The following COMMD10 variants were observed in gnomAD, a reference collection of about 807,000 sequenced individuals.
COMMD10 encodes the protein COMM domain containing 10.
Under a neutral mutation model 28.9 loss-of-function variants are expected in COMMD10, and 33 were observed. That is an observed-to-expected ratio of 1.14 (90% CI 0.87 to 1.53). The LOEUF (loss-of-function observed/expected upper bound fraction) is 1.53, where lower values mean the gene tolerates loss of function less well. COMMD10 is among the 40% of genes most tolerant of loss of function. The pLI, the probability that COMMD10 is intolerant of heterozygous loss-of-function variation, is 0.00. For synonymous variants in COMMD10, 110 were observed against 81.7 expected (o/e 1.35, Z -1.87); for missense variants, 310 against 233.4 (o/e 1.33, Z -2.14).
intron 5 of COMMD10, among the ~76,000 whole-genome samples, chr5:116,258,968 C>G (rs77099426): frequency 0.027 from 4,059 of 151,354 alleles, 111 homozygotes; most frequent in East Asian, 0.14. Context: ...CTCCTTTTCT[C>G]TTACTTTATA....
chr5:116,156,828 A>G (rs1231542538), intron 5 of COMMD10, among the ~76,000 whole-genome samples: 1 of 152,172 alleles, frequency 6.6e-6, no homozygotes, highest in East Asian at 1.9e-4. Context: ...CAGCTTATAC[A>G]CTGGAGATGA....
At chr5:116,121,252 A>C (rs539673755) in intron 4 of COMMD10, among the ~76,000 whole-genome samples, 3 of 151,648 alleles carry the variant, frequency 2.0e-5, no homozygotes, top group Admixed American at 6.6e-5. Flanking sequence ...TGTCCTTGTG[A>C]TAGTTTGCTG....
chr5:116,134,423 A>G (rs1406033184), intron 5 of COMMD10, among the ~76,000 whole-genome samples: 1 of 152,212 alleles, frequency 6.6e-6, no homozygotes, highest in Non-Finnish European at 1.5e-5. Context: ...ATATAAAATT[A>G]TGATTTTAAT....
chr5:116,127,594 C>T (rs1751703544), intron 4 of COMMD10, among the ~76,000 whole-genome samples: 1 of 152,112 alleles, frequency 6.6e-6, no homozygotes, highest in South Asian at 2.1e-4. Context: ...TACTATGCAG[C>T]CATAAAAAAG....
intron 5 of COMMD10, among the ~76,000 whole-genome samples, chr5:116,148,928 G>T (rs1414757899): frequency 6.6e-6 from 1 of 151,346 alleles, no homozygotes; most frequent in African/African-American, 2.4e-5. Context: ...GTATACATGT[G>T]CCATGCTGAT....
At chr5:116,137,753 G>T (rs1752071709) in intron 5 of COMMD10, among the ~76,000 whole-genome samples, 1 of 151,892 alleles carries the variant, frequency 6.6e-6, no homozygotes, top group Non-Finnish European at 1.5e-5. Flanking sequence ...TTTGACTGTG[G>T]TCTCCTTTCT....
At chr5:116,178,241 T>A (rs1263633019) in intron 5 of COMMD10, among the ~76,000 whole-genome samples, 1 of 152,118 alleles carries the variant, frequency 6.6e-6, no homozygotes, top group African/African-American at 2.4e-5. Flanking sequence ...TTCTCATTAG[T>A]ATTATAAGAT....
chr5:116,215,637 A>ACT (rs1749073477), intron 5 of COMMD10, among the ~76,000 whole-genome samples: 1 of 150,146 alleles, frequency 6.7e-6, no homozygotes, highest in Non-Finnish European at 1.5e-5. Context: ...CAGTGAGCTG[A>ACT]GATCAGGCCA....
intron 5 of COMMD10, among the ~76,000 whole-genome samples, chr5:116,207,257 T>A (rs568114671): frequency 9.3e-4 from 142 of 152,318 alleles, no homozygotes; most frequent in African/African-American, 3.2e-3. Context: ...GTCCAATAGC[T>A]ATGTTTTATA....
intron 5 of COMMD10, among the ~76,000 whole-genome samples, chr5:116,276,808 A>G (rs1399127244): frequency 2.0e-5 from 3 of 151,808 alleles, no homozygotes; most frequent in Non-Finnish European, 4.4e-5. Context: ...TTTCCAGAGT[A>G]AGCAAATCTG....
intron 4 of COMMD10, among the ~76,000 whole-genome samples, chr5:116,106,005 T>C (rs1260530350): frequency 2.0e-5 from 3 of 152,166 alleles, no homozygotes; most frequent in Non-Finnish European, 4.4e-5. Flanking sequence ...CTGGTAGCTT[T>C]TGAATTTGTT....
intron 5 of COMMD10, among the ~76,000 whole-genome samples, chr5:116,223,754 G>A (rs994001988): frequency 2.0e-5 from 3 of 152,166 alleles, no homozygotes; most frequent in Non-Finnish European, 4.4e-5. Flanking sequence ...CCTGAAAGAA[G>A]TTCATGATCG....
chr5:116,265,924 G>T (rs548421928), intron 5 of COMMD10, among the ~76,000 whole-genome samples: 2 of 151,832 alleles, frequency 1.3e-5, no homozygotes, highest in Admixed American at 6.6e-5. Context: ...TAGAAAAGTG[G>T]TAATACATAT....
intron 5 of COMMD10, among the ~76,000 whole-genome samples, chr5:116,247,564 C>G (rs373061560): frequency 1.3e-5 from 2 of 151,998 alleles, no homozygotes; most frequent in South Asian, 2.1e-4. Context: ...GACAGGGAAT[C>G]AAGCTAAACG....
At chr5:116,234,807 T>C (rs1457309304) in intron 5 of COMMD10, among the ~76,000 whole-genome samples, 2 of 152,198 alleles carry the variant, frequency 1.3e-5, no homozygotes, top group African/African-American at 4.8e-5. Context: ...AGAGTCTGTT[T>C]TGTGAAGAGA....
At chr5:116,284,424 G>A (rs2112711728) in intron 5 of COMMD10, among the ~76,000 whole-genome samples, 1 of 151,938 alleles carries the variant, frequency 6.6e-6, no homozygotes, top group Non-Finnish European at 1.5e-5. Flanking sequence ...TGGATGACAA[G>A]ATGTGGATGT....
intron 4 of COMMD10, among the ~76,000 whole-genome samples, chr5:116,101,170 C>T (rs954957940): frequency 6.6e-6 from 1 of 152,074 alleles, no homozygotes; most frequent in Non-Finnish European, 1.5e-5. Context: ...AGGTTGATCC[C>T]ATATTGTTGT....
intron 4 of COMMD10, among the ~76,000 whole-genome samples, chr5:116,116,748 G>T (rs1195136791): frequency 1.3e-4 from 18 of 133,672 alleles, no homozygotes; most frequent in African/African-American, 5.4e-4. Context: ...GTCTCGCTCT[G>T]TCGCCCAGGC....
At chr5:116,209,658 A>G (rs147005194) in intron 5 of COMMD10, among the ~76,000 whole-genome samples, 1 of 152,298 alleles carries the variant, frequency 6.6e-6, no homozygotes, top group Non-Finnish European at 1.5e-5. Context: ...AAAATTCAAT[A>G]GCGGTTAGTA....
Sources: gnomAD v4.1 joint callset for allele counts (sites outside exome capture counted in the v4.1 genomes callset) on GRCh38, gnomAD v4.1.1 for gene constraint, MANE v1.5 for transcripts, NCBI Gene and HGNC (gene_info 2026-07-23, HGNC 2026-07-21) for gene names.